The following SLC44A1 variants were observed in gnomAD, a reference collection of about 807,000 sequenced individuals.
SLC44A1 encodes choline transporter-like protein 1.
SLC44A1 carries 26 observed loss-of-function variants against 79.3 expected under a neutral mutation model. The observed-to-expected ratio is 0.33, with a 90% confidence interval of 0.24 to 0.46. The LOEUF (loss-of-function observed/expected upper bound fraction) is 0.46, where lower values mean the gene tolerates loss of function less well. SLC44A1 is among the 20% of genes least tolerant of loss of function. The pLI is 1.00. For missense variants in SLC44A1, 688 were observed against 798.1 expected, an observed-to-expected ratio of 0.86 and a Z score of 1.66; for synonymous variants, 263 against 286.2, an observed-to-expected ratio of 0.92 and a Z score of 0.82.
chr9:105,335,259 A>G (rs965844727), intron 3 of SLC44A1, among the ~76,000 whole-genome samples: 1 of 152,148 alleles, frequency 6.6e-6, no homozygotes, highest in African/African-American at 2.4e-5. Context: ...GTTTGACAAA[A>G]TAAGAAAAAA....
chr9:105,271,810 C>T (rs925925223), intron 1 of SLC44A1, among the ~76,000 whole-genome samples: 6 of 152,156 alleles, frequency 3.9e-5, no homozygotes, highest in Non-Finnish European at 2.9e-5. Flanking sequence ...GACGGGGTTT[C>T]GCTATGTTGG....
chr9:105,399,878 G>A (rs540965434), downstream of SLC44A1, among the ~76,000 whole-genome samples: 14 of 152,282 alleles, frequency 9.2e-5, no homozygotes, highest in African/African-American at 3.4e-4. Flanking sequence ...TGAAAAACTG[G>A]GTTAAGGAGG....
intron 13 of SLC44A1, among the ~76,000 whole-genome samples, chr9:105,377,775 A>G (rs1415509081): frequency 6.6e-6 from 1 of 151,622 alleles, no homozygotes; most frequent in African/African-American, 2.4e-5. Context: ...AAAAAAAAAG[A>G]GAAGAATATA....
chr9:105,426,876 G>A lies in SLC44A1; in HGVS notation c.1951-11405G>A, dbSNP rs187883601. 3.6e-4 allele frequency among the ~76,000 whole-genome samples: 54 copies of A among 151,212 alleles called. No individual in the cohort carries two copies. The East Asian group carries it at 4.7e-3, about 13-fold the overall frequency. ...AAGCATGACAAAATAATATTCTCAT[G>A]ACCCAAAGGTAAAGACAAGATACAT... On this transcript the variant is annotated intron_variant, in intron 15 of 15. Coordinates refer to the SLC44A1 transcript ENST00000374724.
In SLC44A1 at chr9:105,255,093, G is replaced by GTTTTT. The variant is rs1168193382; in HGVS notation, c.36+10192_36+10196dup. Among the ~76,000 whole-genome samples, 19 of 141,864 alleles carry GTTTTT rather than the reference G, an allele frequency of 1.3e-4. 1 individual carries two copies. Among genetic ancestry groups the GTTTTT allele is most frequent in the African/African-American group, 5.2e-4 (19 of 36,852 alleles). The allele number at this position is 141,864 out of a possible 152,430, so 93.1% of individuals were successfully genotyped here. A position where few individuals can be genotyped will look rare whatever the true frequency, so the allele number is the denominator to read the frequency against. On this transcript the variant is annotated intron_variant, in intron 1 of 15. Coordinates refer to ENST00000374720, the MANE Select transcript of SLC44A1 (RefSeq NM_080546.5). ...TTTGTTTTAACCTGCTTACTTTCAG[G>GTTTTT]TTTTTTTGTTTTTTTTTTTTTTTAA...
At chr9:105,408,644 C>T (rs966199947) in intron 15 of SLC44A1, among the ~76,000 whole-genome samples, 1 of 152,184 alleles carries the variant, frequency 6.6e-6, no homozygotes, top group Non-Finnish European at 1.5e-5. Context: ...CTCCTGACCT[C>T]AGGTGATCCA....
Position 105,392,231 on chromosome 9 carries a change from A to T in SLC44A1, c.*3175A>T. The T allele has an allele frequency of 3.0e-6, 3 of 983,722 alleles. 1 individual carries two copies. Among genetic ancestry groups the T allele is most frequent in the Non-Finnish European group, 3.6e-6 (3 of 828,390 alleles). The allele number at this position is 983,722 out of a possible 1,614,324, so 60.9% of individuals were successfully genotyped here. On this transcript the variant is annotated 3_prime_UTR_variant, in exon 16 of 16. Transcript: ENST00000374720. ...GCTAATGTTTAGGATTAAAGTTTTT[A>T]TTTTATCCTATAAGATAATTAAGTC...
At chr9:105,262,018 A>T (rs1481614000) in intron 1 of SLC44A1, among the ~76,000 whole-genome samples, 1 of 151,974 alleles carries the variant, frequency 6.6e-6, no homozygotes, top group Non-Finnish European at 1.5e-5. Flanking sequence ...TCCTGACCTC[A>T]GGTGATCCGC....
At chr9:105,330,163 C>G (rs187378256) in intron 3 of SLC44A1, among the ~76,000 whole-genome samples, 48 of 152,298 alleles carry the variant, frequency 3.2e-4, no homozygotes, top group Non-Finnish European at 4.4e-4. Context: ...TAGAGTACAG[C>G]CCTATATCAT....
At chr9:105,434,251 A>G (rs1273283620) in intron 15 of SLC44A1, among the ~76,000 whole-genome samples, 1 of 152,034 alleles carries the variant, frequency 6.6e-6, no homozygotes, top group Non-Finnish European at 1.5e-5. Flanking sequence ...GAGGGAGGAG[A>G]GTCATTTGAA....
rs1039631338 is a variant in SLC44A1, at chr9:105,389,825, A to T, written c.*769A>T. The T allele has an allele frequency of 7.7e-6, 11 of 1,426,982 alleles. No individual in the cohort carries two copies. Among genetic ancestry groups the T allele is most frequent in the Non-Finnish European group, 1.0e-5 (11 of 1,091,462 alleles). The allele number at this position is 1,426,982 out of a possible 1,614,324, so 88.4% of individuals were successfully genotyped here. ...TTTTGACTTTAGTAGCATCCTCCAC[A>T]CATTTGTGTGCCTGATTTGAAAGGA... On this transcript the variant is annotated 3_prime_UTR_variant, in exon 16 of 16. Transcript: ENST00000374720.
At chr9:105,270,984 T>A (rs1830063663) in intron 1 of SLC44A1, among the ~76,000 whole-genome samples, 1 of 152,278 alleles carries the variant, frequency 6.6e-6, no homozygotes, top group African/African-American at 2.4e-5. Flanking sequence ...GGTTAAGTGC[T>A]TAATCTTTGC....
chr9:105,249,306 A>T (rs1829525196), intron 1 of SLC44A1, among the ~76,000 whole-genome samples: 1 of 152,212 alleles, frequency 6.6e-6, no homozygotes, highest in Admixed American at 6.5e-5. Context: ...TAAAAATTAA[A>T]TTTGAAGAGT....
At chr9:105,284,228 CTTTT>C (rs34449378) in intron 1 of SLC44A1, among the ~76,000 whole-genome samples, 6 of 132,132 alleles carry the variant, frequency 4.5e-5, no homozygotes, top group South Asian at 2.4e-4. Context: ...CAAATACAGT[CTTTT>C]TTTTTTTTTT....
chr9:105,348,865 A>G (rs74830993), intron 5 of SLC44A1, among the ~76,000 whole-genome samples: 2,304 of 152,194 alleles, frequency 0.015, 56 homozygotes, highest in African/African-American at 0.053. Context: ...GTAAATTTAG[A>G]AAGTCTGCCA....
chr9:105,260,870 T>A (rs1829822987), intron 1 of SLC44A1, among the ~76,000 whole-genome samples: 1 of 152,222 alleles, frequency 6.6e-6, no homozygotes, highest in Non-Finnish European at 1.5e-5. Flanking sequence ...GATGGAATGC[T>A]ATCTTTGGTT....
At chr9:105,244,940 T>TGCACTGGC in intron 1 of SLC44A1, 36 bp downstream of exon 1, 1 of 1,105,014 alleles carries the variant, frequency 9.0e-7, no homozygotes, top group Non-Finnish European at 1.1e-6. Flanking sequence ...CCCGCCCGGA[T>TGCACTGGC]GCCTCCCGTG....
At chr9:105,334,529 G>T (rs1172302916) in intron 3 of SLC44A1, among the ~76,000 whole-genome samples, 1 of 152,150 alleles carries the variant, frequency 6.6e-6, no homozygotes, top group African/African-American at 2.4e-5. Flanking sequence ...CTGTGTGAAA[G>T]GCTATTGACA....
intron 3 of SLC44A1, among the ~76,000 whole-genome samples, chr9:105,319,364 T>C (rs1375708520): frequency 6.6e-6 from 1 of 152,172 alleles, no homozygotes; most frequent in Admixed American, 6.5e-5. Flanking sequence ...CTTCCATTGT[T>C]GTCTCCCTTG....
Sources: allele counts gnomAD v4.1 joint callset (sites outside exome capture counted in the v4.1 genomes callset), GRCh38; gene constraint gnomAD v4.1.1; transcripts MANE v1.5; gene names NCBI Gene and HGNC (gene_info 2026-07-23, HGNC 2026-07-21).